SLC6A7: variants seen among roughly 807,000 people sequenced by gnomAD.
The protein encoded by SLC6A7 is solute carrier family 6 member 7, also known as sodium-dependent proline transporter.
Under a neutral mutation model 73.1 loss-of-function variants are expected in SLC6A7, and 58 were observed. The ratio of observed to expected loss-of-function variants is 0.79; its 90% CI spans 0.64 to 0.99. SLC6A7 has a LOEUF of 0.99. Ranked by LOEUF, SLC6A7 falls within the 50% of genes least tolerant of loss-of-function variation. The pLI is 0.00. For missense variants in SLC6A7, 783 were observed against 831.4 expected, an observed-to-expected ratio of 0.94 and a Z score of 0.72; for synonymous variants, 338 against 338.7, an observed-to-expected ratio of 1.00 and a Z score of 0.02.
chr5:150,201,074 C>T lies in SLC6A7; in HGVS notation c.724-15C>T, dbSNP rs1181757625. ...GGTCCCCGATGCCATCAGCTCCTCA[C>T]TTATCATCTCTCAGGTGGTGTATTT... On this transcript the variant is annotated splice_polypyrimidine_tract_variant and intron_variant, in intron 5 of 13. Coordinates refer to ENST00000230671, the MANE Select transcript of SLC6A7 (RefSeq NM_014228.5). 1.9e-6 allele frequency: 3 copies of T among 1,613,226 alleles called. No individual in the cohort carries two copies. The highest frequency in any genetic ancestry group is 1.3e-5 in the African/African-American group (1 of 74,970).
In SLC6A7 at chr5:150,196,727, G is replaced by T. The variant is rs747570170; in HGVS notation, c.229G>T (p.Val77Leu). The change falls in exon 3 of 14, where the codon GTG (valine) becomes TTG (leucine). Residue 77 changes from valine to leucine, a missense_variant. Val to Leu is a conservative substitution (Grantham distance 32, BLOSUM62 1). Coordinates refer to ENST00000230671, the MANE Select transcript of SLC6A7 (RefSeq NM_014228.5). ...AYTNGGGAFL[V>L]PYFLMLAICG... ...CCCGCTCCCGGCAGGCGCCTTCCTC[G>T]TGCCCTACTTCCTCATGCTGGCCAT... 4 of 1,613,448 alleles carry T rather than the reference G, an allele frequency of 2.5e-6. No homozygotes were observed. The highest frequency in any genetic ancestry group is 2.7e-5 in the African/African-American group (2 of 74,938).
chr5:150,201,040 C>A, intron 5 of SLC6A7, 49 bp from the exon 6 acceptor site: 1 of 1,604,810 alleles, frequency 6.2e-7, no homozygotes, highest in African/African-American at 1.3e-5. Context: ...AGGAATGGCA[C>A]TGAGTCAAGG....
intron 4 of SLC6A7, among the ~76,000 whole-genome samples, chr5:150,197,672 A>G (rs569547532): frequency 3.3e-5 from 5 of 152,274 alleles, no homozygotes; most frequent in African/African-American, 1.2e-4. Context: ...CTCCTCTGTA[A>G]CAGGGGTTGG....
At chr5:150,193,939 T>C (rs1036538705) in intron 1 of SLC6A7, among the ~76,000 whole-genome samples, 5 of 152,204 alleles carry the variant, frequency 3.3e-5, no homozygotes, top group African/African-American at 1.2e-4. Flanking sequence ...TCATGACACC[T>C]CTTTGAGCCT....
At chr5:150,194,422 C>G (rs1440385768) in intron 1 of SLC6A7, among the ~76,000 whole-genome samples, 1 of 144,470 alleles carries the variant, frequency 6.9e-6, no homozygotes, top group Non-Finnish European at 1.5e-5. Flanking sequence ...GAGGGAGACT[C>G]TTTCTCAATT....
chr5:150,205,717 C>G, intron 13 of SLC6A7, 94 bp downstream of exon 13: 2 of 1,112,060 alleles, frequency 1.8e-6, no homozygotes, highest in Admixed American at 2.3e-5. Flanking sequence ...GCACCCACCC[C>G]TTATCCAGCT....
intron 1 of SLC6A7, among the ~76,000 whole-genome samples, chr5:150,192,878 A>G (rs1752849671): frequency 6.6e-6 from 1 of 152,094 alleles, no homozygotes. Context: ...AGGCCTGCTC[A>G]CCACCCAACA....
At chr5:150,209,316 G>A in intron 13 of SLC6A7, 90 bp from the exon 14 acceptor site, 5 of 1,072,956 alleles carry the variant, frequency 4.7e-6, no homozygotes, top group Middle Eastern at 5.9e-4. Flanking sequence ...CAGTGATGTG[G>A]TCAGGTGTTT....
rs371924526 is a variant in SLC6A7 at position 150,190,426 on chromosome 5, C to A, written c.33+66C>A. The stretch of plus-strand genomic sequence containing the variant: ...GAGGGTTGGAGAGACCCGCCCCCAA[C>A]GAGGCCCCTGGGGAAGGTCTGAGGA... On this transcript the variant is annotated intron_variant, in intron 1 of 13. Transcript: ENST00000230671. 9.5e-6 allele frequency: 11 copies of A among 1,162,426 alleles called. No individual in the cohort carries two copies. The Admixed American group carries it at 1.1e-4, about 11-fold the overall frequency. 72.0% of individuals were successfully genotyped at this position (1,162,426 alleles called of 1,614,324 possible). A position where few individuals can be genotyped will look rare whatever the true frequency, so the allele number is the denominator to read the frequency against.
At chr5:150,198,120 A>AGAAG (rs1562085873) in intron 4 of SLC6A7, among the ~76,000 whole-genome samples, 1 of 55,090 alleles carries the variant, frequency 1.8e-5, no homozygotes, top group African/African-American at 3.8e-5. Flanking sequence ...AGAAAGAGAA[A>AGAAG]GAAAGAAAGA....
Position 150,205,593 on chromosome 5 carries a change from T to C in SLC6A7, c.1671T>C (p.Ala557=). The change falls in exon 13 of 14, where the codon GCT becomes GCC. Residue 557 remains alanine, a synonymous_variant. Transcript: ENST00000230671. ...TGATCCCAGCTGGCATGCTGGTGGC[T>C]GTGCTTCGAGAAGAGGGCTCACTCT... The part of the protein sequence containing the change: ...CLMIPAGMLV[A]VLREEGSLWE... The C allele has an allele frequency of 2.5e-6, 4 of 1,612,780 alleles. No individual in the cohort carries two copies. Among genetic ancestry groups the C allele is most frequent in the South Asian group, 2.2e-5 (2 of 90,920 alleles).
rs1410903363 is a variant in SLC6A7, at chr5:150,201,169, G to A, written c.804G>A (p.Trp268Ter). ...GCGGAGTCACCCTCCCAGGGGCCTG[G>A]AAGGGCATCCAGTTCTATCTCACCC... ...LVRGVTLPGAWKGIQFYLTPQ... is the reference protein window; with the variant it reads ...LVRGVTLPGA Residue 268 changes from tryptophan to a stop codon, truncating the protein, a stop_gained, in exon 6 of 14, where the codon TGG (tryptophan) becomes TGA (stop). Transcript: ENST00000230671. LOFTEE classifies it high-confidence loss of function. 6.2e-7 allele frequency: 1 copy of A among 1,613,852 alleles called. No individual in the cohort carries two copies.
chr5:150,190,464 A>G, intron 1 of SLC6A7, 104 bp downstream of exon 1: 1 of 745,470 alleles, frequency 1.3e-6, no homozygotes, highest in South Asian at 2.2e-5. Context: ...CACCCAGACC[A>G]GCTTCGGGCT....
chr5:150,209,027 C>T (rs1236710209), intron 13 of SLC6A7, among the ~76,000 whole-genome samples: 1 of 152,226 alleles, frequency 6.6e-6, no homozygotes, highest in Non-Finnish European at 1.5e-5. Flanking sequence ...GGGCCCGCCG[C>T]GTAATTATAG....
chr5:150,193,924 G>A (rs1580851921), intron 1 of SLC6A7, among the ~76,000 whole-genome samples: 1 of 152,160 alleles, frequency 6.6e-6, no homozygotes, highest in Non-Finnish European at 1.5e-5. Flanking sequence ...GAAACCTCGG[G>A]TATGTCATGA....
At chr5:150,196,288 G>A (rs1753017051) in intron 2 of SLC6A7, among the ~76,000 whole-genome samples, 1 of 152,204 alleles carries the variant, frequency 6.6e-6, no homozygotes, top group South Asian at 2.1e-4. Flanking sequence ...GAACCAAAGG[G>A]GAAGGGCTAT....
intron 5 of SLC6A7, among the ~76,000 whole-genome samples, chr5:150,200,811 G>T (rs547165366): frequency 6.6e-6 from 1 of 152,304 alleles, no homozygotes; most frequent in Non-Finnish European, 1.5e-5. Flanking sequence ...GAGTGAGTTT[G>T]CAGGGGCAGG....
chr5:150,190,599 G>A (rs1288101334), intron 1 of SLC6A7, among the ~76,000 whole-genome samples: 3 of 152,204 alleles, frequency 2.0e-5, no homozygotes, highest in African/African-American at 7.2e-5. Context: ...CACTGGGCCA[G>A]GCCTATGAAC....
intron 2 of SLC6A7, 37 bp from the exon 3 acceptor site, chr5:150,196,679 C>T: frequency 1.3e-6 from 2 of 1,592,542 alleles, no homozygotes; most frequent in Non-Finnish European, 1.7e-6. Flanking sequence ...GGGGGAGCTG[C>T]CCCCAAGGCC....
Sources: allele counts gnomAD v4.1 joint callset (sites outside exome capture counted in the v4.1 genomes callset), GRCh38; gene constraint gnomAD v4.1.1; transcripts MANE v1.5; gene names NCBI Gene and HGNC (gene_info 2026-07-23, HGNC 2026-07-21).